The following MAX variants were observed in gnomAD, a reference collection of about 807,000 sequenced individuals.
MAX encodes the protein MYC associated transcriptional regulator X, also known as protein max.
MAX carries 3 observed loss-of-function variants against 22.3 expected under a neutral mutation model. The observed-to-expected ratio is 0.13, with a 90% confidence interval of 0.06 to 0.35. The LOEUF (loss-of-function observed/expected upper bound fraction) is 0.35. MAX is among the 10% of genes least tolerant of loss of function. MAX has a pLI of 1.00. For missense variants in MAX, 119 were observed against 209.4 expected (o/e 0.57, Z 2.66); for synonymous variants, 72 against 77.7 (o/e 0.93, Z 0.39).
rs1386796592 is a variant in MAX, at chr14:65,031,398, A to G, written c.172-25114T>C. ...AGTGGCATGATCTTGGCTCACTGCA[A>G]CCCCCGCCTCCCGGGTTCAAGTGGT... On this transcript the variant is annotated intron_variant, in intron 3 of 3. Transcript: ENST00000341653. This position sits in a 1 kb window ranked among gnomAD's most constrained non-coding sequence, Gnocchi z 4.6. Among the ~76,000 whole-genome samples the G allele has an allele frequency of 1.3e-5, 2 of 151,214 alleles. No individual in the cohort carries two copies. Among genetic ancestry groups the G allele is most frequent in the East Asian group, 4.0e-4 (2 of 5,042 alleles).
chr14:65,027,576 G>A lies in MAX; in HGVS notation c.172-21292C>T, dbSNP rs1443548995. ...ATGCATTGTGCATCATTGGCACCGA[G>A]GAGGCCTATGACATCATTAACAGGT... On this transcript the variant is annotated intron_variant, in intron 3 of 3. Transcript: ENST00000341653. The surrounding 1 kb of genome is among the most constrained non-coding windows in gnomAD (Gnocchi z 5.7). The A allele has an allele frequency of 6.2e-7, 1 of 1,614,210 alleles. No homozygotes were observed. Among genetic ancestry groups the A allele is most frequent in the Non-Finnish European group, 8.5e-7 (1 of 1,180,028 alleles).
In MAX at chr14:65,011,416, G is replaced by C. The variant is rs547344903; in HGVS notation, c.172-5132C>G. 7.3e-6 allele frequency among the ~76,000 whole-genome samples: 1 copy of C among 137,390 alleles called. No homozygotes were observed. The highest frequency in any genetic ancestry group is 1.5e-5 in the Non-Finnish European group (1 of 66,302). The allele number at this position is 137,390 out of a possible 152,430, so 90.1% of individuals were successfully genotyped here. Reference sequence around the variant, plus strand: ...TGCACTCCAGCCTGGGTGACAGAGCGAGACTCCGTCTCAGGAAAAAAAAAA... The same window carrying C: ...TGCACTCCAGCCTGGGTGACAGAGCCAGACTCCGTCTCAGGAAAAAAAAAA... On this transcript the variant is annotated intron_variant, in intron 3 of 3. Coordinates refer to the MAX transcript ENST00000341653. This position sits in a 1 kb window ranked among gnomAD's most constrained non-coding sequence, Gnocchi z 4.0.
chr14:65,101,216 A>G (rs2063822073), intron 2 of MAX, among the ~76,000 whole-genome samples: 1 of 152,252 alleles, frequency 6.6e-6, no homozygotes, highest in African/African-American at 2.4e-5. Flanking sequence ...TTGCCCTGAA[A>G]TAATACTACC....
intron 3 of MAX, among the ~76,000 whole-genome samples, chr14:65,008,245 C>T (rs2061626720): frequency 6.6e-6 from 1 of 152,256 alleles, no homozygotes; most frequent in South Asian, 2.1e-4. Context: ...CCCCTGTCCT[C>T]TCATCTGTCA....
intron 3 of MAX, among the ~76,000 whole-genome samples, chr14:65,050,213 C>T (rs2062575941): frequency 6.6e-6 from 1 of 152,008 alleles, no homozygotes; most frequent in Non-Finnish European, 1.5e-5. Flanking sequence ...AAAATTTCAC[C>T]CTAATTAGTA....
rs1233104208 is a variant in MAX at position 65,062,531 on chromosome 14, T to TC, written c.171+31176dup. The TC allele has an allele frequency of 1.3e-5, 2 of 152,720 alleles. No individual in the cohort carries two copies. Among genetic ancestry groups the TC allele is most frequent in the Non-Finnish European group, 2.9e-5 (2 of 68,078 alleles). The allele number at this position is 152,720 out of a possible 1,614,324, so 9.5% of individuals were successfully genotyped here. A position where few individuals can be genotyped will look rare whatever the true frequency, so the allele number is the denominator to read the frequency against. ...CTGTGGGCTGCGGGCAGACAGGAGCTCAGAGATGCAGCATGAGGCGCTTAG... is the reference window on the plus strand; with the variant it reads ...CTGTGGGCTGCGGGCAGACAGGAGCTCCAGAGATGCAGCATGAGGCGCTTAG... On this transcript the variant is annotated intron_variant, in intron 3 of 3. Coordinates refer to the MAX transcript ENST00000341653. This position sits in a 1 kb window ranked among gnomAD's most constrained non-coding sequence, Gnocchi z 4.3.
Position 65,077,767 on chromosome 14 carries a change from C to T in MAX, c.295+146G>A, listed in dbSNP as rs1314681248. 3 of 1,613,014 alleles carry T rather than the reference C, an allele frequency of 1.9e-6. No homozygotes were observed. Among genetic ancestry groups the T allele is most frequent in the African/African-American group, 1.3e-5 (1 of 74,912 alleles). On this transcript the variant is annotated intron_variant, in intron 4 of 4. Coordinates refer to ENST00000358664, the MANE Select transcript of MAX (RefSeq NM_002382.5). This position sits in a 1 kb window ranked among gnomAD's most constrained non-coding sequence, Gnocchi z 6.3. Reference sequence around the variant, plus strand: ...CCTTCCTCAGGACGGCTCTAACACTCAGTTACTCAGGCCCCAAGAAGCAGG... The same window carrying T: ...CCTTCCTCAGGACGGCTCTAACACTTAGTTACTCAGGCCCCAAGAAGCAGG...
intron 3 of MAX, chr14:65,016,393 AG>A (rs1327640545): frequency 1.3e-5 from 2 of 152,212 alleles, no homozygotes; most frequent in Non-Finnish European, 2.9e-5. Context: ...ACCTGGAATA[AG>A]AAAGGGCAGC....
intron 3 of MAX, among the ~76,000 whole-genome samples, chr14:65,059,643 C>T (rs1393117280): frequency 6.6e-6 from 1 of 152,072 alleles, no homozygotes; most frequent in Non-Finnish European, 1.5e-5. Flanking sequence ...GTGTCCCCTT[C>T]TTCATTATCC....
In MAX at chr14:65,061,488, G is replaced by A; in HGVS notation, c.171+32220C>T. ...TGGCTCTGGGTTTGGAGAACACAGT[G>A]GCTGGTTTTAAAAATTCTTTCCACA... On this transcript the variant is annotated intron_variant, in intron 3 of 3. Coordinates refer to the MAX transcript ENST00000341653. 5.1e-6 allele frequency: 6 copies of A among 1,179,084 alleles called. No individual in the cohort carries two copies. In the South Asian group the frequency reaches 1.0e-4, roughly 20 times the overall value. 73.0% of individuals were successfully genotyped at this position (1,179,084 alleles called of 1,614,324 possible).
At chr14:65,015,256 C>G (rs980856665) in intron 3 of MAX, among the ~76,000 whole-genome samples, 5 of 152,010 alleles carry the variant, frequency 3.3e-5, no homozygotes, top group African/African-American at 1.2e-4. Flanking sequence ...GCGCACATCA[C>G]TATGCCCAGC....
intron 3 of MAX, among the ~76,000 whole-genome samples, chr14:65,040,468 TCTCA>T (rs1253543848): frequency 2.6e-5 from 4 of 151,924 alleles, no homozygotes; most frequent in Non-Finnish European, 4.4e-5. Flanking sequence ...GGAGACCTAG[TCTCA>T]CTCTTTCACC....
At chr14:65,094,379 C>A (rs1232854113) in intron 2 of MAX, among the ~76,000 whole-genome samples, 1 of 152,188 alleles carries the variant, frequency 6.6e-6, no homozygotes, top group Non-Finnish European at 1.5e-5. Flanking sequence ...TCTATAAAAC[C>A]TAGATGCATG....
chr14:65,091,958 GTAAA>G (rs1469065574), intron 3 of MAX: 3 of 152,134 alleles, frequency 2.0e-5, no homozygotes, highest in Admixed American at 1.3e-4. Flanking sequence ...GCATGAATGA[GTAAA>G]TAAATGAGCC....
chr14:65,072,615 T>C (rs2063000708), downstream of MAX, among the ~76,000 whole-genome samples: 1 of 152,182 alleles, frequency 6.6e-6, no homozygotes, highest in African/African-American at 2.4e-5. Context: ...CGGCACACTT[T>C]AGATTAGAGG....
At chr14:65,046,484 A>G (rs1428177007) in intron 3 of MAX, among the ~76,000 whole-genome samples, 1 of 152,218 alleles carries the variant, frequency 6.6e-6, no homozygotes, top group East Asian at 1.9e-4. Context: ...GCTGCTGGTT[A>G]ATTGTTTCTT....
chr14:65,038,458 A>T (rs1036640507), intron 3 of MAX, among the ~76,000 whole-genome samples: 3 of 144,680 alleles, frequency 2.1e-5, no homozygotes, highest in Non-Finnish European at 4.6e-5. Context: ...AGTGGCTCAT[A>T]CCTGTAATCC....
intron 3 of MAX, among the ~76,000 whole-genome samples, chr14:65,037,424 T>C (rs2062224174): frequency 1.8e-5 from 2 of 113,106 alleles, no homozygotes; most frequent in Admixed American, 9.1e-5. Flanking sequence ...TTTTTTTTTT[T>C]TTTTTTTTTT....
rs150354298 is a variant in MAX at position 65,051,997 on chromosome 14, G to A, written c.171+41711C>T. The stretch of plus-strand genomic sequence containing the variant: ...TTTTTAGTAGAGACAGGGTTTCACC[G>A]TGTTAGCCGGGATGGTCTCGATCTC... On this transcript the variant is annotated intron_variant, in intron 3 of 3. Transcript: ENST00000341653. Among the ~76,000 whole-genome samples, 170 of 151,928 alleles carry A rather than the reference G, an allele frequency of 1.1e-3. 1 individual carries two copies. The highest frequency in any genetic ancestry group is 6.8e-3 in the Middle Eastern group (2 of 294).
Sources: allele counts gnomAD v4.1 joint callset (sites outside exome capture counted in the v4.1 genomes callset), GRCh38; gene constraint gnomAD v4.1.1; non-coding constraint Gnocchi (gnomAD v3.1); transcripts MANE v1.5; gene names NCBI Gene and HGNC (gene_info 2026-07-23, HGNC 2026-07-21).